SKAP2: variants seen among roughly 807,000 people sequenced by gnomAD.
SKAP2 encodes src kinase-associated phosphoprotein 2.
Under a neutral mutation model 54.9 loss-of-function variants are expected in SKAP2, and 28 were observed. The observed-to-expected ratio is 0.51, with a 90% CI of 0.38 to 0.70. SKAP2 has a LOEUF of 0.70. Ranked by LOEUF, SKAP2 falls within the 30% of genes least tolerant of loss-of-function variation. The pLI is 0.00. For missense variants in SKAP2, 356 were observed against 424.1 expected (o/e 0.84, Z 1.41); for synonymous variants, 137 against 134.3 (o/e 1.02, Z -0.14).
chr7:26,771,422 C>T (rs1584380429), intron 4 of SKAP2, among the ~76,000 whole-genome samples: 1 of 152,110 alleles, frequency 6.6e-6, no homozygotes, highest in Admixed American at 6.6e-5. Flanking sequence ...TCTAATGATA[C>T]GTAGGGGATG....
chr7:26,840,163 A>G (rs938719813), intron 4 of SKAP2, among the ~76,000 whole-genome samples: 1 of 152,068 alleles, frequency 6.6e-6, no homozygotes, highest in Non-Finnish European at 1.5e-5. Context: ...TTAGAAAGAC[A>G]CCAGGACAAT....
chr7:26,759,830 A>G (rs745424250), intron 4 of SKAP2, among the ~76,000 whole-genome samples: 18 of 152,330 alleles, frequency 1.2e-4, no homozygotes, highest in Non-Finnish European at 2.2e-4. Flanking sequence ...TGGCCAAGAA[A>G]AGAGGCCCAT....
intron 4 of SKAP2, among the ~76,000 whole-genome samples, chr7:26,766,710 C>CA (rs1783064870): frequency 6.6e-6 from 1 of 152,134 alleles, no homozygotes; most frequent in African/African-American, 2.4e-5. Context: ...GCCTTTTCTG[C>CA]ATCTATTGAG....
intron 9 of SKAP2, among the ~76,000 whole-genome samples, chr7:26,698,062 CTG>C (rs1421489032): frequency 1.3e-5 from 2 of 152,098 alleles, no homozygotes; most frequent in Admixed American, 1.3e-4. Flanking sequence ...TGTAATGTGG[CTG>C]TCTTATCAGG....
intron 5 of SKAP2, 128 bp downstream of exon 5, chr7:26,739,759 A>G (rs1297255619): frequency 3.1e-6 from 2 of 639,162 alleles, no homozygotes; most frequent in Non-Finnish European, 5.3e-6. Context: ...AATGTCATCC[A>G]GATTTTCTTA....
chr7:26,810,830 C>G (rs530085343), intron 4 of SKAP2, among the ~76,000 whole-genome samples: 4 of 152,028 alleles, frequency 2.6e-5, no homozygotes, highest in Admixed American at 6.6e-5. Flanking sequence ...TACAGGCACA[C>G]GCCACCATGC....
chr7:26,814,590 T>C (rs935502640), intron 4 of SKAP2, among the ~76,000 whole-genome samples: 1 of 148,076 alleles, frequency 6.8e-6, no homozygotes, highest in African/African-American at 2.5e-5. Flanking sequence ...AAAGATTCAG[T>C]GTAAATATTT....
chr7:26,831,213 A>G (rs1455101356), intron 4 of SKAP2, among the ~76,000 whole-genome samples: 3 of 152,338 alleles, frequency 2.0e-5, no homozygotes, highest in Non-Finnish European at 4.4e-5. Flanking sequence ...ATGCCTATGT[A>G]TAAAATTTTT....
intron 4 of SKAP2, among the ~76,000 whole-genome samples, chr7:26,758,800 G>A (rs1782860588): frequency 6.6e-6 from 1 of 152,082 alleles, no homozygotes; most frequent in Non-Finnish European, 1.5e-5. Context: ...AAATAAAATA[G>A]CCATTAACTT....
intron 4 of SKAP2, among the ~76,000 whole-genome samples, chr7:26,780,638 C>T (rs974841945): frequency 4.1e-4 from 62 of 151,746 alleles, no homozygotes; most frequent in African/African-American, 1.4e-3. Flanking sequence ...ATATAAAAAC[C>T]ACTCTTAGCT....
intron 11 of SKAP2, among the ~76,000 whole-genome samples, chr7:26,674,605 C>T (rs535699640): frequency 4.6e-5 from 7 of 152,286 alleles, no homozygotes; most frequent in African/African-American, 1.7e-4. Flanking sequence ...CTCTAAGGAC[C>T]TCCATGATGT....
chr7:26,778,230 C>G (rs889212089), intron 4 of SKAP2, among the ~76,000 whole-genome samples: 2 of 152,024 alleles, frequency 1.3e-5, no homozygotes, highest in Non-Finnish European at 1.5e-5. Flanking sequence ...ATTCACAGTA[C>G]TTAAAAGAAC....
At chr7:26,717,509 C>CAAAAAAA (rs58826714) in intron 9 of SKAP2, among the ~76,000 whole-genome samples, 405 of 23,124 alleles carry the variant, frequency 0.018, 97 homozygotes, top group Admixed American at 0.025. Flanking sequence ...GACCCCATCT[C>CAAAAAAA]AAAAAAAAAA....
chr7:26,737,308 G>GA (rs1191106256), intron 6 of SKAP2, among the ~76,000 whole-genome samples: 1 of 152,138 alleles, frequency 6.6e-6, no homozygotes, highest in Non-Finnish European at 1.5e-5. Flanking sequence ...CTTCACTACT[G>GA]ACCCTTAGCA....
At chr7:26,707,795 G>C (rs1787197345) in intron 9 of SKAP2, among the ~76,000 whole-genome samples, 1 of 152,134 alleles carries the variant, frequency 6.6e-6, no homozygotes, top group Non-Finnish European at 1.5e-5. Context: ...AGGTCATGGG[G>C]CTTCCTGTGA....
Position 26,864,443 on chromosome 7 carries a change from GGGC to G in SKAP2, c.-17_-15del. ...GGGGTTGGGCATGTTAGGGAGCGCA[GGGC>G]GTGCGGGGAAAGGACCTGCGCTGAA... On this transcript the variant is annotated 5_prime_UTR_variant, in exon 1 of 13. Transcript: ENST00000345317. 1 of 1,595,778 alleles carries G rather than the reference GGGC, an allele frequency of 6.3e-7. No homozygotes were observed. Among genetic ancestry groups the G allele is most frequent in the South Asian group, 1.1e-5 (1 of 89,392 alleles).
chr7:26,666,245 A>G (rs938091760), downstream of SKAP2, among the ~76,000 whole-genome samples: 10 of 152,168 alleles, frequency 6.6e-5, no homozygotes, highest in African/African-American at 2.4e-4. Flanking sequence ...AATTCTCACA[A>G]TGCTTCACTC....
In SKAP2 at chr7:26,684,800, C is replaced by T; in HGVS notation, c.923G>A (p.Cys308Tyr). 6.2e-7 allele frequency: 1 copy of T among 1,612,822 alleles called. No homozygotes were observed. Among genetic ancestry groups the T allele is most frequent in the Non-Finnish European group, 8.5e-7 (1 of 1,179,050 alleles). Residue 308 changes from cysteine to tyrosine, a missense_variant, in exon 11 of 13, where the codon TGT becomes TAT. Coordinates refer to ENST00000345317, the MANE Select transcript of SKAP2 (RefSeq NM_003930.5). ...CAACTCATCAGAAAAAGCTCCAGTA[C>T]AATCCCACAATCCCTGGTAAAAATT... ...YANFYQGLWDCTGAFSDELSF... is the reference protein window; with the variant it reads ...YANFYQGLWDYTGAFSDELSF...
At chr7:26,685,569 A>G (rs1046362580) in intron 10 of SKAP2, among the ~76,000 whole-genome samples, 1 of 152,214 alleles carries the variant, frequency 6.6e-6, no homozygotes, top group East Asian at 1.9e-4. Flanking sequence ...TAAACATGCA[A>G]CATACACTGG....
Sources: allele counts gnomAD v4.1 joint callset (sites outside exome capture counted in the v4.1 genomes callset), GRCh38; gene constraint gnomAD v4.1.1; transcripts MANE v1.5; gene names NCBI Gene and HGNC (gene_info 2026-07-23, HGNC 2026-07-21).